The following JAG2 variants were observed in gnomAD, a reference collection of about 807,000 sequenced individuals.
The protein encoded by JAG2 is jagged canonical Notch ligand 2.
In JAG2, 46 loss-of-function variants were observed where a neutral mutation model predicts 141.7. The observed-to-expected ratio is 0.32, with a 90% confidence interval of 0.26 to 0.42. JAG2 has a LOEUF of 0.42. Ranked by LOEUF, JAG2 falls within the 10% of genes least tolerant of loss-of-function variation. JAG2 has a pLI of 1.00. For synonymous variants in JAG2, 862 were observed against 763.5 expected (o/e 1.13, Z -2.13); for missense variants, 1,500 against 1,817.5 (o/e 0.83, Z 3.18).
At chr14:105,151,221 C>T (rs1281976722) in intron 9 of JAG2, 62 bp downstream of exon 9, 2 of 1,526,570 alleles carry the variant, frequency 1.3e-6, no homozygotes, top group South Asian at 1.2e-5. Flanking sequence ...CCCGCAGCCC[C>T]AGCAGCCCCC....
rs1888200974 is a variant in JAG2 at position 105,145,721 on chromosome 14, G to T, written c.2952+10C>A. The T allele has an allele frequency of 1.9e-6, 3 of 1,588,742 alleles. No individual in the cohort carries two copies. The highest frequency in any genetic ancestry group is 2.7e-5 in the African/African-American group (2 of 74,356). On this transcript the variant is annotated intron_variant, in intron 23 of 25. Coordinates refer to ENST00000331782, the MANE Select transcript of JAG2 (RefSeq NM_002226.5). ...GCCTCTGCAAGCTCAGATGCCACCA[G>T]GCCCCTCACCTGGGGCACGTGGTCA...
rs1209843741 is a variant in JAG2 at position 105,168,678 on chromosome 14, CCGGCGGCGA to C, written c.-267_-259del. Reference sequence around the variant, plus strand: ...TCCGGCTGCCCGGCCCGGCTCCCACCCGGCGGCGACGGCGGCGGCGGTGAAGGCAGCGGG... The same window carrying C: ...TCCGGCTGCCCGGCCCGGCTCCCACCCGGCGGCGGCGGTGAAGGCAGCGGG... On this transcript the variant is annotated 5_prime_UTR_variant, in exon 1 of 26. Transcript: ENST00000331782. The C allele has an allele frequency of 6.6e-6, 1 of 151,516 alleles. No individual in the cohort carries two copies. Among genetic ancestry groups the C allele is most frequent in the Non-Finnish European group, 1.4e-5 (1 of 69,200 alleles). 9.4% of individuals were successfully genotyped at this position (151,516 alleles called of 1,614,324 possible). A position where few individuals can be genotyped will look rare whatever the true frequency, so the allele number is the denominator to read the frequency against.
At chr14:105,150,128 G>A (rs1394748209) in intron 12 of JAG2, among the ~76,000 whole-genome samples, 2 of 145,120 alleles carry the variant, frequency 1.4e-5, no homozygotes, top group Non-Finnish European at 3.0e-5. Context: ...AGGGGGGAAG[G>A]GGAGGTTGGG....
intron 2 of JAG2, among the ~76,000 whole-genome samples, chr14:105,166,374 A>T (rs1246442653): frequency 1.3e-5 from 2 of 152,242 alleles, no homozygotes; most frequent in Non-Finnish European, 2.9e-5. Flanking sequence ...TGCAGATGAC[A>T]GGCTGCGGGC....
chr14:105,149,407 C>T, intron 12 of JAG2, 87 bp from the exon 13 acceptor site: 1 of 1,556,166 alleles, frequency 6.4e-7, no homozygotes, highest in Non-Finnish European at 8.8e-7. Flanking sequence ...GAAGGTAGAT[C>T]CCTGGGGACC....
Position 105,148,791 on chromosome 14 carries a change from G to A in JAG2, c.1974C>T (p.Phe658=), listed in dbSNP as rs1888312400. Residue 658 remains phenylalanine (F), a synonymous_variant, in exon 15 of 26, where the codon TTC becomes TTT. Coordinates refer to ENST00000331782, the MANE Select transcript of JAG2 (RefSeq NM_002226.5). ...GGTCIDEVDA[F]RCFCPSGWEG... is the part of the protein sequence containing the mutation. ...CCCAGCCGCTGGGGCAGAAGCAGCG[G>A]AAGGCGTCCACCTCATCGATGCATG... 1 of 1,595,480 alleles carries A rather than the reference G, an allele frequency of 6.3e-7. No homozygotes were observed. The highest frequency in any genetic ancestry group is 1.3e-5 in the African/African-American group (1 of 74,674).
At position 105,154,093 on chromosome 14, in the gene JAG2, C is replaced by T. The variant is rs1302831620; in HGVS notation, c.788+1469G>A. On this transcript the variant is annotated intron_variant, in intron 5 of 25. Coordinates refer to ENST00000331782, the MANE Select transcript of JAG2 (RefSeq NM_002226.5). The surrounding 1 kb of genome is among the most constrained non-coding windows in gnomAD (Gnocchi z 4.4). The stretch of plus-strand genomic sequence containing the variant: ...CGGGAAAGCTCCTCACTGTACCCTC[C>T]AGGCCACTCAACCGTGGGGCCTGTG... 1.3e-5 allele frequency among the ~76,000 whole-genome samples: 2 copies of T among 152,198 alleles called. No individual in the cohort carries two copies. Among genetic ancestry groups the T allele is most frequent in the East Asian group, 3.9e-4 (2 of 5,190 alleles).
chr14:105,149,137 A>AC, intron 13 of JAG2, 33 bp downstream of exon 13: 2 of 374,270 alleles, frequency 5.3e-6, no homozygotes, highest in Non-Finnish European at 8.0e-6. Flanking sequence ...CTGCCCCACC[A>AC]CCTCCCCCAC....
chr14:105,161,038 G>A (rs1474481861), intron 2 of JAG2, among the ~76,000 whole-genome samples: 1 of 152,130 alleles, frequency 6.6e-6, no homozygotes, highest in African/African-American at 2.4e-5. Flanking sequence ...ACCCCACCAC[G>A]GACTTCCTTC....
Position 105,167,675 on chromosome 14 carries a change from G to C in JAG2, c.417+82C>G. On this transcript the variant is annotated intron_variant, in intron 2 of 25. Coordinates refer to ENST00000331782, the MANE Select transcript of JAG2 (RefSeq NM_002226.5). The surrounding 1 kb of genome is among the most constrained non-coding windows in gnomAD (Gnocchi z 4.8). ...GGCTCGCACGCAGACCCGGCCGCAG[G>C]TGTTGGGGGTCGCGAAGCGCGCGGG... is the stretch of plus-strand genomic sequence containing the variant. 1 of 1,294,242 alleles carries C rather than the reference G, an allele frequency of 7.7e-7. No individual in the cohort carries two copies. The highest frequency in any genetic ancestry group is 2.2e-5 in the South Asian group (1 of 45,600). The allele number at this position is 1,294,242 out of a possible 1,614,324, so 80.2% of individuals were successfully genotyped here.
chr14:105,150,234 T>C (rs1888380946), intron 12 of JAG2, among the ~76,000 whole-genome samples: 1 of 151,708 alleles, frequency 6.6e-6, no homozygotes, highest in African/African-American at 2.4e-5. Flanking sequence ...CTATGACAGG[T>C]GTATACCTCT....
In JAG2 at chr14:105,168,012, G is replaced by A. The variant is rs913374577; in HGVS notation, c.162C>T (p.Gly54=). The A allele has an allele frequency of 5.6e-6, 9 of 1,598,732 alleles. No individual in the cohort carries two copies. The highest frequency in any genetic ancestry group is 5.0e-5 in the Admixed American group (3 of 59,590). Reference sequence around the variant, plus strand: ...CGCAGCCCCCCGCGCGCGTTGTCCGGCCGTCGCCGTCACAGCAGGCGCCGC... The same window carrying A: ...CGCAGCCCCCCGCGCGCGTTGTCCGACCGTCGCCGTCACAGCAGGCGCCGC... ...LLSGACCDGD[G]RTTRAGGCGH... The change falls in exon 2 of 26, where the codon GGC becomes GGT. Residue 54 remains glycine, a synonymous_variant. Transcript: ENST00000331782.
Position 105,148,815 on chromosome 14 carries a change from T to C in JAG2, c.1950A>G (p.Thr650=), listed in dbSNP as rs587757658. Residue 650 remains threonine, a synonymous_variant, in exon 15 of 26, where the codon ACA becomes ACG. Coordinates refer to ENST00000331782, the MANE Select transcript of JAG2 (RefSeq NM_002226.5). ...CLGQPCRNGG[T]CIDEVDAFRC... Reference sequence around the variant, plus strand: ...GGAAGGCGTCCACCTCATCGATGCATGTGCCCCCATTGCGGCAGGGCTGGC... The same window carrying C: ...GGAAGGCGTCCACCTCATCGATGCACGTGCCCCCATTGCGGCAGGGCTGGC... 1.4e-4 allele frequency: 220 copies of C among 1,599,482 alleles called. 1 individual carries two copies. In the Middle Eastern group the frequency reaches 1.7e-3, roughly 12 times the overall value.
intron 2 of JAG2, among the ~76,000 whole-genome samples, chr14:105,160,680 C>G (rs145508143): frequency 1.3e-5 from 2 of 152,026 alleles, no homozygotes; most frequent in East Asian, 3.9e-4. Context: ...CTGGTCAACA[C>G]GGTTAATCCT....
intron 21 of JAG2, 47 bp downstream of exon 21, chr14:105,146,564 C>T: frequency 1.2e-6 from 2 of 1,602,286 alleles, no homozygotes; most frequent in Non-Finnish European, 1.7e-6. Context: ...GGGTGTCACC[C>T]ATGCCCCCCA....
At chr14:105,156,379 T>C (rs1047325554) in intron 3 of JAG2, among the ~76,000 whole-genome samples, 5 of 152,048 alleles carry the variant, frequency 3.3e-5, no homozygotes, top group Non-Finnish European at 5.9e-5. Flanking sequence ...TGCACCCACC[T>C]GCGCCGTGTC....
intron 17 of JAG2, 27 bp from the exon 18 acceptor site, chr14:105,147,915 G>T (rs192385853): frequency 2.4e-4 from 356 of 1,504,002 alleles, no homozygotes; most frequent in Non-Finnish European, 3.1e-4. Flanking sequence ...AGGAGGGAGC[G>T]TCTCACCTGG....
rs1256436092 is a variant in JAG2, at chr14:105,141,223, C to T, written c.*1472G>A. 6.6e-6 allele frequency: 1 copy of T among 152,190 alleles called. No homozygotes were observed. The highest frequency in any genetic ancestry group is 1.9e-4 in the East Asian group (1 of 5,194). The allele number at this position is 152,190 out of a possible 1,614,324, so 9.4% of individuals were successfully genotyped here. On this transcript the variant is annotated 3_prime_UTR_variant, in exon 26 of 26. Transcript: ENST00000331782. ...GGCCTTCCATGCCCAGCCCTGAGGC[C>T]ACCATGCCACGTTCCAGTTGGCTCA...
At chr14:105,144,843 C>T (rs1888173675) in intron 24 of JAG2, 87 bp downstream of exon 24, 5 of 1,523,110 alleles carry the variant, frequency 3.3e-6, no homozygotes, top group African/African-American at 1.4e-5. Flanking sequence ...GGACTAGCCT[C>T]GCCAGAGCCT....
Sources: gnomAD v4.1 joint callset for allele counts (sites outside exome capture counted in the v4.1 genomes callset) on GRCh38, gnomAD v4.1.1 for gene constraint, Gnocchi (gnomAD v3.1) non-coding constraint, MANE v1.5 for transcripts, NCBI Gene and HGNC (gene_info 2026-07-23, HGNC 2026-07-21) for gene names.